Variants in PRKN observed in about 807,000 individuals in gnomAD.
PRKN encodes E3 ubiquitin-protein ligase parkin.
Under a neutral mutation model 59.5 loss-of-function variants are expected in PRKN, and 56 were observed. The ratio of observed to expected loss-of-function variants is 0.94; its 90% confidence interval spans 0.76 to 1.18. The LOEUF (loss-of-function observed/expected upper bound fraction) is 1.18, where lower values mean the gene tolerates loss of function less well. PRKN is among the 50% of genes most tolerant of loss of function. PRKN has a pLI of 0.00. For synonymous variants in PRKN, 250 were observed against 222.1 expected, an observed-to-expected ratio of 1.13 and a Z score of -1.12; for missense variants, 657 against 596.4, an observed-to-expected ratio of 1.10 and a Z score of -1.06.
At chr6:162,697,464 A>C (rs1478408458) in intron 1 of PRKN, among the ~76,000 whole-genome samples, 1 of 152,222 alleles carries the variant, frequency 6.6e-6, no homozygotes, top group Non-Finnish European at 1.5e-5. Flanking sequence ...AGCAAGTTTT[A>C]ACAGCATCAA....
intron 6 of PRKN, among the ~76,000 whole-genome samples, chr6:161,932,499 C>T (rs1347282260): frequency 6.6e-6 from 1 of 152,114 alleles, no homozygotes; most frequent in African/African-American, 2.4e-5. Context: ...AAAAAGAATA[C>T]TGAAACATTA....
At chr6:162,225,481 T>C (rs1281927902) in intron 3 of PRKN, among the ~76,000 whole-genome samples, 2 of 152,176 alleles carry the variant, frequency 1.3e-5, no homozygotes, top group South Asian at 2.1e-4. Flanking sequence ...TTTCATCTCT[T>C]TGGTATCTTC....
chr6:162,326,273 C>T (rs35658766), intron 2 of PRKN, among the ~76,000 whole-genome samples: 3 of 152,166 alleles, frequency 2.0e-5, no homozygotes, highest in Admixed American at 6.5e-5. Flanking sequence ...TGATATTCAG[C>T]GTTCCCAGGG....
chr6:162,093,089 C>T (rs1779574566), intron 4 of PRKN, among the ~76,000 whole-genome samples: 1 of 152,168 alleles, frequency 6.6e-6, no homozygotes, highest in African/African-American at 2.4e-5. Flanking sequence ...TCCAGCCAGA[C>T]TTAAACTCTT....
chr6:161,486,169 C>T (rs1211662587), intron 9 of PRKN, among the ~76,000 whole-genome samples: 2 of 151,944 alleles, frequency 1.3e-5, no homozygotes, highest in African/African-American at 2.4e-5. Flanking sequence ...TGTATTATTT[C>T]GTTCTTTCTA....
chr6:161,513,342 G>A (rs1165232854), intron 9 of PRKN, among the ~76,000 whole-genome samples: 3 of 152,134 alleles, frequency 2.0e-5, no homozygotes, highest in Admixed American at 6.5e-5. Context: ...CCGGGTTCAA[G>A]TGATTCTCCT....
intron 5 of PRKN, among the ~76,000 whole-genome samples, chr6:162,015,226 T>C (rs958040102): frequency 6.6e-6 from 1 of 152,136 alleles, no homozygotes; most frequent in Admixed American, 6.5e-5. Flanking sequence ...ACTGTGGCAG[T>C]GGAGAAAAGG....
At chr6:162,120,597 G>A (rs1780871504) in intron 4 of PRKN, among the ~76,000 whole-genome samples, 2 of 152,152 alleles carry the variant, frequency 1.3e-5, no homozygotes, top group Admixed American at 6.5e-5. Flanking sequence ...TCTATTTTAC[G>A]GAGATTGCAG....
intron 9 of PRKN, among the ~76,000 whole-genome samples, chr6:161,408,894 A>G (rs1245405502): frequency 3.3e-5 from 5 of 152,180 alleles, no homozygotes; most frequent in African/African-American, 9.7e-5. Flanking sequence ...CAAGTAATTC[A>G]CAAGCATGCA....
intron 6 of PRKN, among the ~76,000 whole-genome samples, chr6:161,897,642 C>T (rs1350502750): frequency 6.6e-6 from 1 of 152,192 alleles, no homozygotes; most frequent in Non-Finnish European, 1.5e-5. Flanking sequence ...GAATTGTGTG[C>T]TTCTACCCTC....
chr6:162,246,293 G>A (rs898543453), intron 3 of PRKN, among the ~76,000 whole-genome samples: 1 of 152,140 alleles, frequency 6.6e-6, no homozygotes, highest in Non-Finnish European at 1.5e-5. Flanking sequence ...AAGAGGGTAT[G>A]TAGAGGAAAC....
chr6:161,923,906 G>A (rs939086378), intron 6 of PRKN, among the ~76,000 whole-genome samples: 13 of 152,170 alleles, frequency 8.5e-5, no homozygotes, highest in African/African-American at 2.2e-4. Flanking sequence ...GGAAAGAAAC[G>A]GCCATTCCTT....
At chr6:162,461,259 T>C (rs1010236179) in intron 1 of PRKN, among the ~76,000 whole-genome samples, 3 of 151,382 alleles carry the variant, frequency 2.0e-5, no homozygotes, top group Admixed American at 1.3e-4. Flanking sequence ...CCCAGAACTT[T>C]AGGAGGCCGA....
intron 10 of PRKN, among the ~76,000 whole-genome samples, chr6:161,368,722 C>T (rs1044977472): frequency 6.6e-6 from 1 of 151,752 alleles, no homozygotes; most frequent in Non-Finnish European, 1.5e-5. Flanking sequence ...CAGCTGCCCA[C>T]CCGCCCTTCT....
chr6:162,223,106 G>T (rs1778006894), intron 3 of PRKN, among the ~76,000 whole-genome samples: 1 of 150,656 alleles, frequency 6.6e-6, no homozygotes, highest in Admixed American at 6.7e-5. Flanking sequence ...AGAACATGCG[G>T]TGTTTGGTTT....
chr6:162,188,952 G>A (rs1414980666), intron 4 of PRKN, among the ~76,000 whole-genome samples: 1 of 152,070 alleles, frequency 6.6e-6, no homozygotes, highest in Non-Finnish European at 1.5e-5. Context: ...GCATGTAAGA[G>A]TAATTATCTT....
At chr6:162,490,740 A>G (rs1792770948) in intron 1 of PRKN, among the ~76,000 whole-genome samples, 1 of 152,182 alleles carries the variant, frequency 6.6e-6, no homozygotes, top group Admixed American at 6.5e-5. Flanking sequence ...CCACACTCTC[A>G]ATGCCTACAA....
chr6:161,656,083 T>C (rs1006916132), intron 7 of PRKN, among the ~76,000 whole-genome samples: 3 of 152,248 alleles, frequency 2.0e-5, no homozygotes, highest in African/African-American at 7.2e-5. Flanking sequence ...AAAAGCTGAC[T>C]GTGGCAGCTC....
intron 1 of PRKN, among the ~76,000 whole-genome samples, chr6:162,515,505 TAATC>T (rs959421500): frequency 2.0e-5 from 3 of 152,200 alleles, no homozygotes; most frequent in Non-Finnish European, 2.9e-5. Flanking sequence ...ATAAAGTTGA[TAATC>T]AAGAAAGGGT....
Sources: gnomAD v4.1 joint callset for allele counts (sites outside exome capture counted in the v4.1 genomes callset) on GRCh38, gnomAD v4.1.1 for gene constraint, MANE v1.5 for transcripts, NCBI Gene and HGNC (gene_info 2026-07-23, HGNC 2026-07-21) for gene names.